Variants in SLC35F1 observed in about 807,000 individuals in gnomAD.
The protein encoded by SLC35F1 is solute carrier family 35 member F1, also known as chromosome 6 open reading frame 169.
SLC35F1 carries 14 observed loss-of-function variants against 48.7 expected under a neutral mutation model. That is an observed-to-expected ratio of 0.29 (90% CI 0.19 to 0.45). The LOEUF (loss-of-function observed/expected upper bound fraction) is 0.45, where lower values mean the gene tolerates loss of function less well. Ranked by LOEUF, SLC35F1 falls within the 20% of genes least tolerant of loss-of-function variation. The pLI is 1.00. For synonymous variants in SLC35F1, 190 were observed against 202.2 expected (o/e 0.94, Z 0.51); for missense variants, 404 against 500.0 (o/e 0.81, Z 1.83).
chr6:117,933,392 TC>T (rs1776125268), intron 1 of SLC35F1, among the ~76,000 whole-genome samples: 1 of 152,338 alleles, frequency 6.6e-6, no homozygotes, highest in East Asian at 1.9e-4. Flanking sequence ...ACTCCCATTT[TC>T]TTTTAAGCAT....
chr6:117,964,699 T>C (rs910894108), intron 1 of SLC35F1, among the ~76,000 whole-genome samples: 2 of 152,196 alleles, frequency 1.3e-5, no homozygotes, highest in Admixed American at 6.5e-5. Context: ...AGATTTAGGC[T>C]CTGGCTTGAT....
chr6:117,918,773 A>G (rs1428132776), intron 1 of SLC35F1, among the ~76,000 whole-genome samples: 1 of 152,196 alleles, frequency 6.6e-6, no homozygotes. Flanking sequence ...AGCCAGAACC[A>G]TCATCTTATA....
At chr6:117,946,592 C>T (rs576938151) in intron 1 of SLC35F1, among the ~76,000 whole-genome samples, 83 of 152,306 alleles carry the variant, frequency 5.4e-4, no homozygotes, top group African/African-American at 1.9e-3. Context: ...TGACAACCTA[C>T]ATGTAAACTC....
At chr6:118,107,894 A>C (rs1044323376) in intron 1 of SLC35F1, among the ~76,000 whole-genome samples, 1 of 152,052 alleles carries the variant, frequency 6.6e-6, no homozygotes, top group Non-Finnish European at 1.5e-5. Context: ...AATTAGAAGG[A>C]ATTGTAGCTT....
At chr6:118,193,277 A>G (rs992999373) in intron 2 of SLC35F1, among the ~76,000 whole-genome samples, 1 of 152,210 alleles carries the variant, frequency 6.6e-6, no homozygotes, top group Non-Finnish European at 1.5e-5. Flanking sequence ...GTTTATTCTC[A>G]TAAAGCTTTT....
intron 1 of SLC35F1, among the ~76,000 whole-genome samples, chr6:118,123,288 T>A (rs1773579003): frequency 2.0e-5 from 3 of 152,182 alleles, no homozygotes; most frequent in Non-Finnish European, 4.4e-5. Flanking sequence ...TTTGCCTAAA[T>A]TAACAGGCAA....
At chr6:117,957,010 C>T (rs1262951576) in intron 1 of SLC35F1, among the ~76,000 whole-genome samples, 1 of 152,170 alleles carries the variant, frequency 6.6e-6, no homozygotes, top group Non-Finnish European at 1.5e-5. Context: ...GCGGTGATGA[C>T]TTCCTTCCTG....
chr6:118,097,122 T>C (rs541773291), intron 1 of SLC35F1, among the ~76,000 whole-genome samples: 2 of 152,136 alleles, frequency 1.3e-5, no homozygotes, highest in Non-Finnish European at 2.9e-5. Flanking sequence ...ATTCCCCTCT[T>C]CAGAATTCAC....
intron 1 of SLC35F1, among the ~76,000 whole-genome samples, chr6:118,019,466 A>G (rs1203958005): frequency 6.6e-6 from 1 of 152,198 alleles, no homozygotes; most frequent in Non-Finnish European, 1.5e-5. Flanking sequence ...TACTAAAAAT[A>G]CAAAAATTAG....
At chr6:118,159,178 G>A (rs1218631104) in intron 2 of SLC35F1, among the ~76,000 whole-genome samples, 1 of 121,644 alleles carries the variant, frequency 8.2e-6, no homozygotes, top group African/African-American at 3.2e-5. Context: ...CAGAGATCGC[G>A]CCACTGCACT....
intron 1 of SLC35F1, among the ~76,000 whole-genome samples, chr6:117,937,834 G>A (rs1040660133): frequency 6.6e-6 from 1 of 152,114 alleles, no homozygotes; most frequent in African/African-American, 2.4e-5. Context: ...GCGAATTTCA[G>A]GCCAAACATC....
At chr6:117,930,444 T>G (rs972000821) in intron 1 of SLC35F1, among the ~76,000 whole-genome samples, 1 of 152,204 alleles carries the variant, frequency 6.6e-6, no homozygotes, top group African/African-American at 2.4e-5. Context: ...AGCCCTGTTT[T>G]TAGGGCTTGA....
intron 2 of SLC35F1, among the ~76,000 whole-genome samples, chr6:118,228,598 G>A (rs1562332160): frequency 1.3e-5 from 2 of 152,124 alleles, no homozygotes; most frequent in Non-Finnish European, 2.9e-5. Flanking sequence ...GGAGGCTGAG[G>A]TGGGATGATT....
chr6:117,966,131 G>GGCCCCCC (rs1184701438), intron 1 of SLC35F1, among the ~76,000 whole-genome samples: 1 of 101,100 alleles, frequency 9.9e-6, no homozygotes, highest in Non-Finnish European at 2.0e-5. Context: ...GCAGGCCACC[G>GGCCCCCC]CCCCCCCCCC....
intron 7 of SLC35F1, among the ~76,000 whole-genome samples, chr6:118,303,956 A>T (rs1030346117): frequency 6.6e-6 from 1 of 152,224 alleles, no homozygotes. Context: ...ATAATCTCTC[A>T]TCTCAAGATA....
At chr6:118,140,402 A>G (rs916938289) in intron 1 of SLC35F1, among the ~76,000 whole-genome samples, 7 of 152,210 alleles carry the variant, frequency 4.6e-5, no homozygotes, top group Admixed American at 4.6e-4. Context: ...AGCGCAATGT[A>G]TTACTCAGAC....
In SLC35F1 at chr6:118,255,012, T is replaced by C. The variant is rs990513625; in HGVS notation, c.478-11983T>C. Among the ~76,000 whole-genome samples, 6 of 152,312 alleles carry C rather than the reference T, an allele frequency of 3.9e-5. No homozygotes were observed. The East Asian group carries it at 5.8e-4, about 15-fold the overall frequency. On this transcript the variant is annotated intron_variant, in intron 3 of 7. Transcript: ENST00000360388. Reference sequence around the variant, plus strand: ...CCCCCAACCAGTGACCATTTTTCAATAGCCTCAGAGTTTTCTCTCTCTTGC... The same window carrying C: ...CCCCCAACCAGTGACCATTTTTCAACAGCCTCAGAGTTTTCTCTCTCTTGC...
intron 3 of SLC35F1, among the ~76,000 whole-genome samples, chr6:118,254,960 ATTT>A (rs1394602666): frequency 6.6e-6 from 1 of 152,186 alleles, no homozygotes; most frequent in Non-Finnish European, 1.5e-5. Context: ...CCTATACTTT[ATTT>A]AATGTAAAAA....
At chr6:118,306,119 G>C (rs1256072394) in intron 7 of SLC35F1, among the ~76,000 whole-genome samples, 1 of 152,158 alleles carries the variant, frequency 6.6e-6, no homozygotes, top group Non-Finnish European at 1.5e-5. Flanking sequence ...CACACAGCCA[G>C]AACTAAACTC....
Sources: allele counts gnomAD v4.1 joint callset (sites outside exome capture counted in the v4.1 genomes callset), GRCh38; gene constraint gnomAD v4.1.1; transcripts MANE v1.5; gene names NCBI Gene and HGNC (gene_info 2026-07-23, HGNC 2026-07-21).